NDST3: variants seen among roughly 807,000 people sequenced by gnomAD.
NDST3 encodes N-deacetylase and N-sulfotransferase 3.
A neutral mutation model predicts 96.1 loss-of-function variants in NDST3; 58 were observed. The observed-to-expected ratio is 0.60, with a 90% CI of 0.49 to 0.75. The LOEUF (loss-of-function observed/expected upper bound fraction) is 0.75. NDST3 is among the 30% of genes least tolerant of loss of function. The pLI is 0.00. For missense variants in NDST3, 788 were observed against 1,034.2 expected (o/e 0.76, Z 3.27); for synonymous variants, 333 against 359.7 (o/e 0.93, Z 0.84).
intron 6 of NDST3, among the ~76,000 whole-genome samples, chr4:118,157,297 T>A (rs1235428930): frequency 6.6e-6 from 1 of 151,464 alleles, no homozygotes; most frequent in Non-Finnish European, 1.5e-5. Context: ...ATAGAAATTT[T>A]AAAAATTTAA....
chr4:118,067,760 TG>T (rs1276885978), intron 2 of NDST3, among the ~76,000 whole-genome samples: 1 of 151,344 alleles, frequency 6.6e-6, no homozygotes, highest in Non-Finnish European at 1.5e-5. Flanking sequence ...GTGTGGAGGG[TG>T]GGGGTGATGG....
At chr4:118,255,508 C>A in intron 13 of NDST3, 85 bp from the exon 14 acceptor site, 1 of 1,359,580 alleles carries the variant, frequency 7.4e-7, no homozygotes, top group Non-Finnish European at 1.0e-6. Flanking sequence ...ATCTGGTATA[C>A]TTGGTACTTA....
intron 2 of NDST3, among the ~76,000 whole-genome samples, chr4:118,075,914 T>C (rs1727489094): frequency 6.6e-6 from 1 of 152,172 alleles, no homozygotes; most frequent in South Asian, 2.1e-4. Flanking sequence ...TTAGATCCCA[T>C]TTGTCTATTT....
intron 6 of NDST3, among the ~76,000 whole-genome samples, chr4:118,145,992 G>A (rs1361494643): frequency 2.6e-5 from 4 of 152,188 alleles, no homozygotes; most frequent in Non-Finnish European, 5.9e-5. Flanking sequence ...ACTATAATTA[G>A]TTAGTGATGT....
intron 12 of NDST3, among the ~76,000 whole-genome samples, chr4:118,242,962 AC>A (rs997001271): frequency 1.3e-5 from 2 of 152,166 alleles, no homozygotes; most frequent in Non-Finnish European, 2.9e-5. Context: ...CCTCTATCTT[AC>A]TGCGTCCATT....
intron 12 of NDST3, 24 bp downstream of exon 12, chr4:118,242,173 T>C: frequency 1.4e-6 from 2 of 1,451,564 alleles, no homozygotes; most frequent in Non-Finnish European, 9.6e-7. Context: ...CTAATTAGTT[T>C]ATTGACATTT....
intron 1 of NDST3, among the ~76,000 whole-genome samples, chr4:118,050,860 T>A (rs559469436): frequency 6.1e-4 from 93 of 151,626 alleles, no homozygotes; most frequent in African/African-American, 2.1e-3. Context: ...TAAATAAATA[T>A]AAAAAAACTG....
chr4:118,214,346 T>A (rs1739051140), intron 6 of NDST3, among the ~76,000 whole-genome samples: 1 of 152,104 alleles, frequency 6.6e-6, no homozygotes, highest in Non-Finnish European at 1.5e-5. Context: ...TAATCCTAAT[T>A]GAGATGTACT....
intron 2 of NDST3, among the ~76,000 whole-genome samples, chr4:118,102,150 G>A (rs1194380581): frequency 6.6e-6 from 1 of 151,774 alleles, no homozygotes; most frequent in Non-Finnish European, 1.5e-5. Flanking sequence ...TTTTTAATTA[G>A]AAAAAATGTT....
intron 6 of NDST3, among the ~76,000 whole-genome samples, chr4:118,195,964 T>C (rs568622321): frequency 6.6e-6 from 1 of 152,358 alleles, no homozygotes; most frequent in Middle Eastern, 3.4e-3. Flanking sequence ...CCCCATTCAG[T>C]ATGGTTTTAG....
chr4:118,052,219 C>G (rs1725119626), intron 1 of NDST3, among the ~76,000 whole-genome samples: 1 of 152,002 alleles, frequency 6.6e-6, no homozygotes, highest in Non-Finnish European at 1.5e-5. Context: ...AGAATGAAGT[C>G]ATGTCTTTTG....
intron 2 of NDST3, among the ~76,000 whole-genome samples, chr4:118,073,027 T>C (rs914141099): frequency 2.6e-5 from 4 of 152,108 alleles, no homozygotes; most frequent in African/African-American, 9.7e-5. Context: ...ATAAAACACA[T>C]TTATTGATTT....
At chr4:118,085,122 A>AAAT (rs1728321033) in intron 2 of NDST3, among the ~76,000 whole-genome samples, 1 of 150,592 alleles carries the variant, frequency 6.6e-6, no homozygotes. Flanking sequence ...GACTCCGTAA[A>AAAT]AACAACAACA....
intron 2 of NDST3, among the ~76,000 whole-genome samples, chr4:118,081,035 T>C (rs887775676): frequency 1.2e-4 from 18 of 152,184 alleles, no homozygotes; most frequent in African/African-American, 4.1e-4. Flanking sequence ...CTCCCATCTA[T>C]ATAAGTTGTG....
At chr4:118,144,929 T>C (rs1437001961) in intron 6 of NDST3, among the ~76,000 whole-genome samples, 2 of 152,156 alleles carry the variant, frequency 1.3e-5, no homozygotes, top group African/African-American at 2.4e-5. Context: ...ACTATACCTA[T>C]GTTTTAACTC....
chr4:118,211,485 G>A (rs1738794723), intron 6 of NDST3, among the ~76,000 whole-genome samples: 2 of 152,072 alleles, frequency 1.3e-5, no homozygotes, highest in Admixed American at 6.5e-5. Flanking sequence ...GCTAATCACA[G>A]TAGCCTCACA....
chr4:118,167,795 G>A (rs1240027266), intron 6 of NDST3, among the ~76,000 whole-genome samples: 2 of 151,876 alleles, frequency 1.3e-5, no homozygotes, highest in African/African-American at 4.8e-5. Context: ...AGGGCATCAA[G>A]AATACCCAAT....
At chr4:118,253,413 A>G (rs903347868) in intron 12 of NDST3, 86 bp from the exon 13 acceptor site, 4 of 781,606 alleles carry the variant, frequency 5.1e-6, no homozygotes, top group Non-Finnish European at 8.6e-6. Flanking sequence ...ATTGGTCACT[A>G]TATCATATGT....
chr4:118,053,577 CTCTT>C (rs1411851008), intron 1 of NDST3, among the ~76,000 whole-genome samples, 175 bp from the exon 2 acceptor site: 4 of 151,794 alleles, frequency 2.6e-5, no homozygotes, highest in African/African-American at 9.7e-5. Flanking sequence ...ACCCCTTTTC[CTCTT>C]TCTACCAGTC....
Sources: allele counts gnomAD v4.1 joint callset (sites outside exome capture counted in the v4.1 genomes callset), GRCh38; gene constraint gnomAD v4.1.1; transcripts MANE v1.5; gene names NCBI Gene and HGNC (gene_info 2026-07-23, HGNC 2026-07-21).